SLC50A1: variants seen among roughly 807,000 people sequenced by gnomAD.
SLC50A1 encodes solute carrier family 50 member 1, also known as sugar transporter SWEET1.
In SLC50A1, 22 loss-of-function variants were observed where a neutral mutation model predicts 28.9. That is an observed-to-expected ratio of 0.76 (90% confidence interval 0.54 to 1.09). SLC50A1 has a LOEUF of 1.09. Among genes scored for constraint, SLC50A1 ranks in the 50% least tolerant of loss-of-function variants. The pLI is 0.00. For synonymous variants in SLC50A1, 96 were observed against 110.6 expected, an observed-to-expected ratio of 0.87 and a Z score of 0.83; for missense variants, 233 against 273.4, an observed-to-expected ratio of 0.85 and a Z score of 1.04.
At chr1:155,136,262 T>TGGCAC in intron 1 of SLC50A1, 37 bp from the exon 2 acceptor site, 3 of 1,377,016 alleles carry the variant, frequency 2.2e-6, no homozygotes, top group South Asian at 1.2e-5. Context: ...GCTTCTCCCT[T>TGGCAC]CCCACCCCCA....
intron 4 of SLC50A1, 67 bp downstream of exon 4, chr1:155,137,789 T>A: frequency 2.5e-6 from 4 of 1,597,518 alleles, no homozygotes; most frequent in Non-Finnish European, 3.4e-6. Flanking sequence ...ATACTATGGC[T>A]TACAGTCCCG....
In SLC50A1 at chr1:155,136,677, A is replaced by C. The variant is rs1571694888; in HGVS notation, c.159-151A>C. 1.2e-4 allele frequency: 132 copies of C among 1,126,184 alleles called. 4 individuals are homozygous for C. The South Asian group carries it at 1.9e-3, about 16-fold the overall frequency. 69.8% of individuals were successfully genotyped at this position (1,126,184 alleles called of 1,614,324 possible). On this transcript the variant is annotated intron_variant, in intron 2 of 5. Transcript: ENST00000368404. ...AGAATGGCGTGAACCCAGGAGGCGG[A>C]GCTTGCAGTGAGCCGAGATCGTGCC...
Position 155,137,653 on chromosome 1 carries a change from G to C in SLC50A1, c.375G>C (p.Arg125=). ...FWLLVPNPEA[R]LQQLGLFCSV... is the part of the protein sequence containing the mutation. ...TCCTGGTACCCAACCCTGAGGCCCG[G>C]CTTCAGCAGTTGGGCCTCTTCTGCA... The change falls in exon 4 of 6, where the codon CGG becomes CGC. Residue 125 remains arginine (R), a synonymous_variant. Transcript: ENST00000368404. 6.2e-7 allele frequency: 1 copy of C among 1,614,178 alleles called. No individual in the cohort carries two copies. The highest frequency in any genetic ancestry group is 8.5e-7 in the Non-Finnish European group (1 of 1,180,014).
chr1:155,136,187 A>AGGGG (rs56367425), intron 1 of SLC50A1, 112 bp from the exon 2 acceptor site: 5 of 709,536 alleles, frequency 7.0e-6, no homozygotes, highest in South Asian at 1.6e-5. Context: ...CGGGGGGGAG[A>AGGGG]GGGGGCGGGG....
rs374294060 is a variant in SLC50A1 at position 155,136,271 on chromosome 1, C to T, written c.81-28C>T. 143 of 1,473,762 alleles carry T rather than the reference C, an allele frequency of 9.7e-5. 1 individual carries two copies. Among genetic ancestry groups the T allele is most frequent in the Non-Finnish European group, 1.2e-4 (127 of 1,063,654 alleles). The allele number at this position is 1,473,762 out of a possible 1,614,324, so 91.3% of individuals were successfully genotyped here. ...CACTCTGCTTCTCCCTTCCCACCCCCACCCCTCCCTTCGGGGCCCCATTAC... is the reference window on the plus strand; with the variant it reads ...CACTCTGCTTCTCCCTTCCCACCCCTACCCCTCCCTTCGGGGCCCCATTAC... On this transcript the variant is annotated intron_variant, in intron 1 of 5. Transcript: ENST00000368404.
At chr1:155,136,178 G>T (rs575965487) in intron 1 of SLC50A1, 121 bp from the exon 2 acceptor site, 3 of 853,194 alleles carry the variant, frequency 3.5e-6, no homozygotes, top group African/African-American at 4.9e-5. Flanking sequence ...GATAGCTGGC[G>T]GGGGGGAGAG....
intron 1 of SLC50A1, 69 bp downstream of exon 1, chr1:155,136,060 C>CGTGG: frequency 6.4e-7 from 1 of 1,564,566 alleles, no homozygotes; most frequent in Non-Finnish European, 8.7e-7. Context: ...GGGACAGAGA[C>CGTGG]GTGGCCACAG....
At chr1:155,137,852 G>T in intron 4 of SLC50A1, 127 bp from the exon 5 acceptor site, 1 of 1,580,926 alleles carries the variant, frequency 6.3e-7, no homozygotes, top group Non-Finnish European at 8.6e-7. Flanking sequence ...AAGTGGGCGA[G>T]TGGGAGGCAG....
chr1:155,136,318 C>G lies in SLC50A1; in HGVS notation c.100C>G (p.Arg34Gly). The G allele has an allele frequency of 6.2e-7, 1 of 1,610,810 alleles. No homozygotes were observed. The highest frequency in any genetic ancestry group is 8.5e-7 in the Non-Finnish European group (1 of 1,178,562). ...SAGLSDLRHM[R>G]MTRSVDNVQF... ...TTACAGCTCGGACCTCAGGCACATG[C>G]GAATGACCCGGAGTGTGGACAACGT... Residue 34 changes from arginine to glycine, a missense_variant, in exon 2 of 6, where the codon CGA (arginine) becomes GGA (glycine). Coordinates refer to ENST00000368404, the MANE Select transcript of SLC50A1 (RefSeq NM_018845.4).
At chr1:155,135,516 T>C (rs1453983381), upstream of SLC50A1, 4 of 1,391,054 alleles carry the variant, frequency 2.9e-6, no homozygotes, top group Admixed American at 1.0e-4. Context: ...TAGCAAGCTT[T>C]TGTTTGGAGG....
upstream of SLC50A1, chr1:155,135,606 G>A: frequency 6.5e-7 from 1 of 1,550,230 alleles, no homozygotes; most frequent in Non-Finnish European, 8.7e-7. Flanking sequence ...GGGGTAGGCA[G>A]AGTGTGAGCA....
chr1:155,138,279 T>G lies in SLC50A1; in HGVS notation c.664T>G (p.Ter222GlyextTer10). The G allele has an allele frequency of 6.2e-7, 1 of 1,613,772 alleles. No individual in the cohort carries two copies. Among genetic ancestry groups the G allele is most frequent in the Non-Finnish European group, 8.5e-7 (1 of 1,179,940 alleles). ...CAGGAACTACTGGCTCCTGCAAACC[T>G]GAGGCTGCTCATCTGACCACTGGGC... ...QDRNYWLLQT[*>G] The change falls in exon 6 of 6, where the codon TGA becomes GGA. Residue 222 changes from the stop codon to glycine, a stop_lost. Transcript: ENST00000368404.
At chr1:155,135,589 G>A (rs1664381462), upstream of SLC50A1, 1 of 1,549,068 alleles carries the variant, frequency 6.5e-7, no homozygotes, top group Admixed American at 2.0e-5. Context: ...GCGTCTAGAT[G>A]ATCCAAGGGG....
chr1:155,137,660 C>T lies in SLC50A1; in HGVS notation c.382C>T (p.Gln128Ter). ...ACCCAACCCTGAGGCCCGGCTTCAG[C>T]AGTTGGGCCTCTTCTGCAGTGTCTT... ...LVPNPEARLQ[Q>*]LGLFCSVFTI... Residue 128 changes from glutamine (Q) to a stop codon, truncating the protein, a stop_gained, in exon 4 of 6, where the codon CAG becomes TAG. Transcript: ENST00000368404. LOFTEE classifies it high-confidence loss of function. The T allele has an allele frequency of 6.2e-7, 1 of 1,614,170 alleles. No individual in the cohort carries two copies.
rs113566311 is a variant in SLC50A1 at position 155,135,859 on chromosome 1, G to C, written c.-53G>C. ...GCAGGTCTGGGCTGCAGTAGGTCCC[G>C]GCAACCGCAGGCTCGCGGCGGGCGC... On this transcript the variant is annotated 5_prime_UTR_variant, in exon 1 of 6. Transcript: ENST00000368404. 13 of 1,610,596 alleles carry C rather than the reference G, an allele frequency of 8.1e-6. No individual in the cohort carries two copies. The highest frequency in any genetic ancestry group is 8.5e-6 in the Non-Finnish European group (10 of 1,178,658).
chr1:155,138,334 C>T lies in SLC50A1; in HGVS notation c.*53C>T. The T allele has an allele frequency of 1.3e-6, 2 of 1,559,394 alleles. No individual in the cohort carries two copies. Among genetic ancestry groups the T allele is most frequent in the East Asian group, 4.5e-5 (2 of 44,048 alleles). On this transcript the variant is annotated 3_prime_UTR_variant, in exon 6 of 6. Transcript: ENST00000368404. ...TAGTGCCAACCTGAACCAAAGAGAC[C>T]TCCTTGTTTCAGCTGGGCCTGCTGT... is the stretch of plus-strand genomic sequence containing the variant.
chr1:155,137,867 G>A (rs890781116), intron 4 of SLC50A1, 112 bp from the exon 5 acceptor site: 1 of 1,589,448 alleles, frequency 6.3e-7, no homozygotes, highest in Non-Finnish European at 8.6e-7. Flanking sequence ...AGGCAGGAAA[G>A]GTTGGGTGAC....
Position 155,135,875 on chromosome 1 carries a change from C to G in SLC50A1, c.-37C>G. ...GTAGGTCCCGGCAACCGCAGGCTCG[C>G]GGCGGGCGCTGGGCGCGGGATCCGA... On this transcript the variant is annotated 5_prime_UTR_variant, in exon 1 of 6. Transcript: ENST00000368404. The G allele has an allele frequency of 6.3e-7, 1 of 1,594,398 alleles. No homozygotes were observed. Among genetic ancestry groups the G allele is most frequent in the Non-Finnish European group, 8.5e-7 (1 of 1,172,688 alleles).
intron 3 of SLC50A1, 97 bp downstream of exon 3, chr1:155,137,048 C>T (rs1664531541): frequency 2.0e-6 from 3 of 1,501,662 alleles, no homozygotes; most frequent in Admixed American, 3.7e-5. Context: ...GCTGGCACTG[C>T]CACCTTTTCC....
Sources: allele counts gnomAD v4.1 joint callset, GRCh38; gene constraint gnomAD v4.1.1; transcripts MANE v1.5; gene names NCBI Gene and HGNC (gene_info 2026-07-23, HGNC 2026-07-21).